TRIOBP: variants seen among roughly 807,000 people sequenced by gnomAD.
TRIOBP encodes TRIO and F-actin binding protein, also known as TRIO and F-actin-binding protein.
TRIOBP carries 169 observed loss-of-function variants against 238.8 expected under a neutral mutation model. The observed-to-expected ratio is 0.71, with a 90% confidence interval of 0.62 to 0.80. The LOEUF (loss-of-function observed/expected upper bound fraction) is 0.80. Among genes scored for constraint, TRIOBP ranks in the 30% least tolerant of loss-of-function variants. TRIOBP has a pLI of 0.00. For missense variants in TRIOBP, 2,838 were observed against 3,122.6 expected, an observed-to-expected ratio of 0.91 and a Z score of 2.17; for synonymous variants, 1,150 against 1,274.4, an observed-to-expected ratio of 0.90 and a Z score of 2.08.
rs780207870 is a variant in TRIOBP at position 37,772,783 on chromosome 22, G to A, written c.*2+19G>A. The A allele has an allele frequency of 1.2e-5, 20 of 1,609,922 alleles. No individual in the cohort carries two copies. The highest frequency in any genetic ancestry group is 1.6e-5 in the Non-Finnish European group (19 of 1,179,104). On this transcript the variant is annotated intron_variant, in intron 23 of 23. Coordinates refer to ENST00000644935, the MANE Select transcript of TRIOBP (RefSeq NM_001039141.3). ...AGTAGAGGTGGATGCCGAGGCGTGT[G>A]CCCTGCAGGGTGGGCAGGGGCTGAG...
rs1491468945 is a variant in TRIOBP at position 37,774,004 on chromosome 22, A to ACACACACT, written c.*225_*226insACACACTC. ...CACGGATACACACACACACACACACACTGCATATCTGAGCGCGCCCCTCGC... is the reference window on the plus strand; with the variant it reads ...CACGGATACACACACACACACACACACACACACTCTGCATATCTGAGCGCGCCCCTCGC... On this transcript the variant is annotated 3_prime_UTR_variant, in exon 24 of 24. Coordinates refer to ENST00000644935, the MANE Select transcript of TRIOBP (RefSeq NM_001039141.3). 2 of 149,664 alleles carry ACACACACT rather than the reference A, an allele frequency of 1.3e-5. No individual in the cohort carries two copies. The highest frequency in any genetic ancestry group is 1.5e-5 in the Non-Finnish European group (1 of 67,420). 9.3% of individuals were successfully genotyped at this position (149,664 alleles called of 1,614,324 possible).
Position 37,755,708 on chromosome 22 carries a change from G to A in TRIOBP, c.5687+49G>A, listed in dbSNP as rs375725993. On this transcript the variant is annotated intron_variant, in intron 15 of 23. Coordinates refer to ENST00000644935, the MANE Select transcript of TRIOBP (RefSeq NM_001039141.3). ...CCTTGAGGGAGGCACTTACCCTTGCGTCCCCGAGTGGGTTTCTAGGTACTC... is the reference window on the plus strand; with the variant it reads ...CCTTGAGGGAGGCACTTACCCTTGCATCCCCGAGTGGGTTTCTAGGTACTC... 283 of 1,548,302 alleles carry A rather than the reference G, an allele frequency of 1.8e-4. 2 individuals carry two copies. In the South Asian group the frequency reaches 2.1e-3, roughly 12 times the overall value.
chr22:37,715,508 A>G (rs1923465625), intron 5 of TRIOBP, among the ~76,000 whole-genome samples: 1 of 151,368 alleles, frequency 6.6e-6, no homozygotes, highest in African/African-American at 2.4e-5. Context: ...ACGCCCAGCT[A>G]ATTTTTTGTA....
At chr22:37,722,887 C>G (rs562492345) in intron 6 of TRIOBP, among the ~76,000 whole-genome samples, 99 of 152,350 alleles carry the variant, frequency 6.5e-4, no homozygotes, top group African/African-American at 2.2e-3. Context: ...AAATTTGCTT[C>G]TTCTCTGTCT....
At chr22:37,743,152 C>T (rs1410527812) in intron 11 of TRIOBP, among the ~76,000 whole-genome samples, 2 of 152,228 alleles carry the variant, frequency 1.3e-5, no homozygotes, top group Non-Finnish European at 2.9e-5. Flanking sequence ...CAGTGGTTCT[C>T]TCATGTGGGA....
chr22:37,702,386 T>C (rs1922696432), intron 3 of TRIOBP, among the ~76,000 whole-genome samples: 1 of 151,680 alleles, frequency 6.6e-6, no homozygotes, highest in African/African-American at 2.4e-5. Context: ...GTATTTTTAG[T>C]AGAAACGGGG....
chr22:37,734,932 G>T lies in TRIOBP; in HGVS notation c.4596G>T (p.Gly1532=), dbSNP rs373649194. The T allele has an allele frequency of 1.9e-6, 3 of 1,613,290 alleles. No homozygotes were observed. Among genetic ancestry groups the T allele is most frequent in the Non-Finnish European group, 2.5e-6 (3 of 1,180,014 alleles). ...AGTCCTCACAATCCTGGCACTCTGG[G>T]ACACCCACTGCTGTGGGCTGGGGGG... is the stretch of plus-strand genomic sequence containing the variant. ...PAESSQSWHS[G]TPTAVGWGAE... The change falls in exon 9 of 24, where the codon GGG becomes GGT. Residue 1532 remains glycine (G), a synonymous_variant. Transcript: ENST00000644935.
intron 17 of TRIOBP, 69 bp from the exon 18 acceptor site, chr22:37,765,601 G>C: frequency 6.5e-7 from 1 of 1,543,930 alleles, no homozygotes; most frequent in African/African-American, 1.4e-5. Context: ...CTTCTCCTCT[G>C]GAGGCTGGGG....
At chr22:37,706,733 C>G (rs1465141027) in intron 3 of TRIOBP, among the ~76,000 whole-genome samples, 2 of 146,228 alleles carry the variant, frequency 1.4e-5, no homozygotes, top group African/African-American at 2.5e-5. Flanking sequence ...GGCTGCAGTG[C>G]ACTGTGATCA....
intron 3 of TRIOBP, among the ~76,000 whole-genome samples, chr22:37,704,420 AACAGAACAGAACAGAACAGT>A (rs1258756917): frequency 1.6e-5 from 2 of 121,850 alleles, no homozygotes; most frequent in African/African-American, 6.4e-5. Context: ...AACAGAACAG[AACAGAACAGAACAGAACAGT>A]ACAGAAAACA....
At chr22:37,719,989 C>CACACTGCACTCACTGTTTCACTCATCA (rs367687004) in intron 6 of TRIOBP, among the ~76,000 whole-genome samples, 7 of 71,202 alleles carry the variant, frequency 9.8e-5, no homozygotes, top group African/African-American at 2.5e-4. Context: ...TTTCACTCAT[C>CACACTGCACTCACTGTTTCACTCATCA]CCCCCCCGCC....
intron 11 of TRIOBP, among the ~76,000 whole-genome samples, chr22:37,747,964 A>C (rs556142863): frequency 1.3e-4 from 20 of 152,304 alleles, no homozygotes; most frequent in African/African-American, 4.6e-4. Flanking sequence ...TGGACAGCAC[A>C]TCCCTGCTGG....
At chr22:37,727,932 C>T (rs1461240876) in intron 7 of TRIOBP, among the ~76,000 whole-genome samples, 1 of 152,160 alleles carries the variant, frequency 6.6e-6, no homozygotes, top group Non-Finnish European at 1.5e-5. Flanking sequence ...AAGAGAACAA[C>T]AGCAACAAAA....
intron 11 of TRIOBP, chr22:37,751,157 C>G (rs1925575478): frequency 2.4e-6 from 1 of 423,932 alleles, no homozygotes; most frequent in African/African-American, 2.1e-5. Flanking sequence ...CAGCTGGTAG[C>G]CCCCAGACCC....
chr22:37,719,962 C>CCACACTGCACTCACTGTTTCCCTCAT (rs1923732974), intron 6 of TRIOBP, among the ~76,000 whole-genome samples: 2 of 54,806 alleles, frequency 3.6e-5, no homozygotes, highest in Admixed American at 2.3e-4. Flanking sequence ...ACCTCAGGCC[C>CCACACTGCACTCACTGTTTCCCTCAT]CACACTGCAC....
intron 9 of TRIOBP, among the ~76,000 whole-genome samples, chr22:37,738,368 GGA>G (rs1186867139): frequency 2.0e-5 from 3 of 152,108 alleles, no homozygotes; most frequent in Non-Finnish European, 2.9e-5. Flanking sequence ...GATGATGGAT[GGA>G]GAGAGGGATA....
chr22:37,751,179 C>T (rs550993632), intron 11 of TRIOBP: 3 of 400,546 alleles, frequency 7.5e-6, no homozygotes, highest in African/African-American at 6.3e-5. Flanking sequence ...GGGGCTGTGC[C>T]CCCCTGGGCG....
chr22:37,764,028 T>G (rs1382446139), intron 17 of TRIOBP, among the ~76,000 whole-genome samples: 2 of 152,250 alleles, frequency 1.3e-5, no homozygotes, highest in Non-Finnish European at 2.9e-5. Flanking sequence ...TGACCATCCC[T>G]TCCTGGTCAC....
At chr22:37,705,344 C>T (rs544382396) in intron 3 of TRIOBP, among the ~76,000 whole-genome samples, 5 of 151,376 alleles carry the variant, frequency 3.3e-5, no homozygotes, top group African/African-American at 9.7e-5. Context: ...CACTGTACTC[C>T]AGCCTGGGCA....
Sources: allele counts gnomAD v4.1 joint callset (sites outside exome capture counted in the v4.1 genomes callset), GRCh38; gene constraint gnomAD v4.1.1; transcripts MANE v1.5; gene names NCBI Gene and HGNC (gene_info 2026-07-23, HGNC 2026-07-21).